The following GSDME variants were observed in gnomAD, a reference collection of about 807,000 sequenced individuals.
GSDME encodes the protein gasdermin-E.
GSDME carries 44 observed loss-of-function variants against 47.5 expected under a neutral mutation model. That is an observed-to-expected ratio of 0.93 (90% CI 0.73 to 1.19). The LOEUF is 1.19. GSDME is among the 50% of genes most tolerant of loss of function. The pLI is 0.00. For synonymous variants in GSDME, 258 were observed against 252.8 expected, an observed-to-expected ratio of 1.02 and a Z score of -0.20; for missense variants, 663 against 604.2, an observed-to-expected ratio of 1.10 and a Z score of -1.02.
chr7:24,755,406 C>T (rs879285412), intron 1 of GSDME, among the ~76,000 whole-genome samples: 1 of 152,160 alleles, frequency 6.6e-6, no homozygotes, highest in African/African-American at 2.4e-5. Flanking sequence ...ACGAGATTTA[C>T]GAGGATACTC....
At chr7:24,699,739 T>C (rs1015720853) in intron 9 of GSDME, among the ~76,000 whole-genome samples, 1 of 152,174 alleles carries the variant, frequency 6.6e-6, no homozygotes, top group African/African-American at 2.4e-5. Context: ...CCTGATTCTA[T>C]CCAATTTGTC....
intron 2 of GSDME, among the ~76,000 whole-genome samples, chr7:24,746,361 G>C (rs944155592): frequency 1.3e-5 from 2 of 152,174 alleles, no homozygotes; most frequent in African/African-American, 4.8e-5. Context: ...GAGAATTTGG[G>C]TAACATTCAT....
At chr7:24,708,104 C>T in intron 7 of GSDME, 23 bp downstream of exon 7, 1 of 1,613,992 alleles carries the variant, frequency 6.2e-7, no homozygotes. Context: ...GAAAACACTG[C>T]CTTGAGATGT....
chr7:24,767,810 T>A, the GSDME span, among the ~76,000 whole-genome samples: 825 of 152,354 alleles, frequency 5.4e-3, 1 homozygote, highest in African/African-American at 0.019. This position sits in a 1 kb window ranked among gnomAD's most constrained non-coding sequence, Gnocchi z 5.3. Context: ...ATATCTTGTC[T>A]AATAACTCTC....
the GSDME span, among the ~76,000 whole-genome samples, chr7:24,766,864 T>C: frequency 6.6e-6 from 1 of 152,220 alleles, no homozygotes; most frequent in Non-Finnish European, 1.5e-5. The surrounding 1 kb of genome is among the most constrained non-coding windows in gnomAD (Gnocchi z 4.2). Flanking sequence ...TTCTAGATCC[T>C]TGAGGAATTG....
At chr7:24,703,401 G>A (rs1002436394) in intron 8 of GSDME, 1 of 182,056 alleles carries the variant, frequency 5.5e-6, no homozygotes, top group Non-Finnish European at 1.2e-5. Flanking sequence ...GAGCAGAGCT[G>A]TGCCAGGCTA....
intron 8 of GSDME, chr7:24,703,152 C>T (rs2128046259): frequency 5.5e-6 from 2 of 362,878 alleles, no homozygotes; most frequent in African/African-American, 2.1e-5. Context: ...ACCCTGCCAT[C>T]TGGTGACAGA....
intron 8 of GSDME, chr7:24,704,113 T>G: frequency 6.6e-6 from 1 of 152,292 alleles, no homozygotes; most frequent in East Asian, 1.9e-4. Flanking sequence ...GCTTACCCAC[T>G]AATTTTACTA....
the GSDME span, among the ~76,000 whole-genome samples, chr7:24,789,200 A>C: frequency 6.6e-6 from 1 of 152,186 alleles, no homozygotes; most frequent in South Asian, 2.1e-4. Flanking sequence ...GAAATGAGTT[A>C]ATTATTCATA....
chr7:24,721,109 G>T lies in GSDME; in HGVS notation c.405-1891C>A, dbSNP rs369679098. On this transcript the variant is annotated intron_variant, in intron 3 of 9. Coordinates refer to ENST00000645220, the MANE Select transcript of GSDME (RefSeq NM_001127453.2). This position sits in a 1 kb window ranked among gnomAD's most constrained non-coding sequence, Gnocchi z 4.1. ...GGCTGCAGGGCTTCGCTGCCTGATG[G>T]CTGCAGAGTTCCTAGTTGAGGTGAC... Among the ~76,000 whole-genome samples, 3 of 152,206 alleles carry T rather than the reference G, an allele frequency of 2.0e-5. No individual in the cohort carries two copies. Among genetic ancestry groups the T allele is most frequent in the African/African-American group, 7.2e-5 (3 of 41,450 alleles).
At chr7:24,708,552 A>AAGTT (rs1182314733) in intron 6 of GSDME, among the ~76,000 whole-genome samples, 2 of 152,228 alleles carry the variant, frequency 1.3e-5, no homozygotes, top group African/African-American at 4.8e-5. Flanking sequence ...TTTTCTGGAA[A>AAGTT]AGTTATTTAA....
Position 24,721,515 on chromosome 7 carries a change from C to G in GSDME, c.405-2297G>C, listed in dbSNP as rs1249385372. On this transcript the variant is annotated intron_variant, in intron 3 of 9. Transcript: ENST00000645220. This position sits in a 1 kb window ranked among gnomAD's most constrained non-coding sequence, Gnocchi z 4.1. ...ACCTCTGCACCTAGGTTTTCTCGTG[C>G]ATGAACTGTTGGTAACAGGGCCCCC... Among the ~76,000 whole-genome samples the G allele has an allele frequency of 2.0e-5, 3 of 152,188 alleles. No individual in the cohort carries two copies. The highest frequency in any genetic ancestry group is 7.2e-5 in the African/African-American group (3 of 41,444).
At chr7:24,738,218 G>T (rs1790369214) in intron 3 of GSDME, among the ~76,000 whole-genome samples, 2 of 151,940 alleles carry the variant, frequency 1.3e-5, no homozygotes, top group South Asian at 4.1e-4. Flanking sequence ...TCTTATATTT[G>T]GAAAAACTTA....
Position 24,728,611 on chromosome 7 carries a change from G to A in GSDME, c.405-9393C>T, listed in dbSNP as rs1379910296. 6.6e-6 allele frequency among the ~76,000 whole-genome samples: 1 copy of A among 152,208 alleles called. No homozygotes were observed. Among genetic ancestry groups the A allele is most frequent in the Non-Finnish European group, 1.5e-5 (1 of 68,038 alleles). Reference sequence around the variant, plus strand: ...TACAGAAGGCGCTTAATGCATGCTTGATTGTTAAAGAACTGGCAGTCTTTC... The same window carrying A: ...TACAGAAGGCGCTTAATGCATGCTTAATTGTTAAAGAACTGGCAGTCTTTC... On this transcript the variant is annotated intron_variant, in intron 3 of 9. Transcript: ENST00000645220. This position sits in a 1 kb window ranked among gnomAD's most constrained non-coding sequence, Gnocchi z 7.2.
At chr7:24,749,047 C>T (rs1228930256) in intron 2 of GSDME, among the ~76,000 whole-genome samples, 13 of 152,140 alleles carry the variant, frequency 8.5e-5, no homozygotes, top group Non-Finnish European at 1.9e-4. Flanking sequence ...TACTTTTATA[C>T]TATACCGCAA....
chr7:24,739,877 G>A lies in GSDME; in HGVS notation c.404+4685C>T, dbSNP rs1040991139. Among the ~76,000 whole-genome samples, 3 of 151,964 alleles carry A rather than the reference G, an allele frequency of 2.0e-5. No homozygotes were observed. The highest frequency in any genetic ancestry group is 4.4e-5 in the Non-Finnish European group (3 of 68,004). On this transcript the variant is annotated intron_variant, in intron 3 of 9. Transcript: ENST00000645220. The surrounding 1 kb of genome is among the most constrained non-coding windows in gnomAD (Gnocchi z 5.1). ...TGGGAGGCTAAGGCAGGCGGATCACGAGGTCAGGAGTTCAAGACCAGCCTG... is the reference window on the plus strand; with the variant it reads ...TGGGAGGCTAAGGCAGGCGGATCACAAGGTCAGGAGTTCAAGACCAGCCTG...
At chr7:24,758,474 C>G (rs139812901), upstream of GSDME, among the ~76,000 whole-genome samples, 1 of 152,328 alleles carries the variant, frequency 6.6e-6, no homozygotes, top group Non-Finnish European at 1.5e-5. The surrounding 1 kb of genome is among the most constrained non-coding windows in gnomAD (Gnocchi z 4.6). Flanking sequence ...GTGACACTTT[C>G]AGTCAGTGTA....
intron 8 of GSDME, chr7:24,703,510 G>A (rs997905898): frequency 6.4e-6 from 1 of 157,270 alleles, no homozygotes; most frequent in African/African-American, 2.4e-5. Flanking sequence ...GGAAAACACA[G>A]ATACAGTTCT....
At chr7:24,702,970 G>A (rs897941532) in intron 8 of GSDME, 137 bp from the exon 9 acceptor site, 10 of 672,128 alleles carry the variant, frequency 1.5e-5, no homozygotes, top group Non-Finnish European at 2.7e-5. Context: ...CAGTTGCTGA[G>A]TTAGTGAATG....
Sources: allele counts gnomAD v4.1 joint callset (sites outside exome capture counted in the v4.1 genomes callset), GRCh38; gene constraint gnomAD v4.1.1; non-coding constraint Gnocchi (gnomAD v3.1); transcripts MANE v1.5; gene names NCBI Gene and HGNC (gene_info 2026-07-23, HGNC 2026-07-21).